BABAM2: variants seen among roughly 807,000 people sequenced by gnomAD.
The protein encoded by BABAM2 is BRISC and BRCA1 A complex member 2, also known as BRISC and BRCA1-A complex member 2.
BABAM2 carries 31 observed loss-of-function variants against 54.7 expected under a neutral mutation model. That is an observed-to-expected ratio of 0.57 (90% CI 0.43 to 0.77). The LOEUF is 0.77. Ranked by LOEUF, BABAM2 falls within the 30% of genes least tolerant of loss-of-function variation. The pLI, the probability that BABAM2 is intolerant of heterozygous loss-of-function variation, is 0.00. For synonymous variants in BABAM2, 167 were observed against 162.9 expected (o/e 1.03, Z -0.19); for missense variants, 364 against 455.8 (o/e 0.80, Z 1.83).
rs1446378076 is a variant in BABAM2 at position 28,061,776 on chromosome 2, T to C, written c.570+15977T>C. Reference sequence around the variant, plus strand: ...AAAACGTGATAAAATTTCAATAACTTTTTTTTTTTAAAAACCTGTGTTCTA... The same window carrying C: ...AAAACGTGATAAAATTTCAATAACTCTTTTTTTTTAAAAACCTGTGTTCTA... On this transcript the variant is annotated intron_variant, in intron 6 of 11. Coordinates refer to ENST00000379624, the MANE Select transcript of BABAM2 (RefSeq NM_199191.3). Among the ~76,000 whole-genome samples, 3 of 148,500 alleles carry C rather than the reference T, an allele frequency of 2.0e-5. No homozygotes were observed. In the East Asian group the frequency reaches 5.8e-4, roughly 29 times the overall value.
At chr2:28,008,727 A>G (rs1335992136) in intron 4 of BABAM2, among the ~76,000 whole-genome samples, 1 of 152,126 alleles carries the variant, frequency 6.6e-6, no homozygotes, top group Non-Finnish European at 1.5e-5. Flanking sequence ...CCCCCAGGGC[A>G]CCAGTGACAT....
chr2:28,246,150 G>A (rs1449475565), intron 10 of BABAM2, among the ~76,000 whole-genome samples: 2 of 152,182 alleles, frequency 1.3e-5, no homozygotes, highest in Admixed American at 1.3e-4. Context: ...AACCTACAGT[G>A]TGGGGCCAGG....
chr2:28,192,425 C>A (rs925030530), intron 7 of BABAM2, among the ~76,000 whole-genome samples: 1 of 142,102 alleles, frequency 7.0e-6, no homozygotes. Context: ...TGCACATGTA[C>A]CCTGGAACTT....
At chr2:27,913,950 T>C (rs1666783137) in intron 2 of BABAM2, among the ~76,000 whole-genome samples, 1 of 152,218 alleles carries the variant, frequency 6.6e-6, no homozygotes, top group East Asian at 1.9e-4. Context: ...ATTCTCTTGT[T>C]ACAAGAAAAT....
At chr2:27,976,576 C>T (rs1466375755) in intron 3 of BABAM2, among the ~76,000 whole-genome samples, 1 of 152,076 alleles carries the variant, frequency 6.6e-6, no homozygotes, top group Non-Finnish European at 1.5e-5. Context: ...TTTAAATACA[C>T]AGGGATAGCA....
intron 11 of BABAM2, among the ~76,000 whole-genome samples, chr2:28,334,267 T>G (rs1324423844): frequency 1.3e-5 from 2 of 152,200 alleles, no homozygotes; most frequent in Non-Finnish European, 2.9e-5. Context: ...CCCCTAGAAG[T>G]TTACAAGGAA....
At chr2:27,891,767 C>G (rs1171925449) in intron 1 of BABAM2, among the ~76,000 whole-genome samples, 2 of 143,454 alleles carry the variant, frequency 1.4e-5, no homozygotes, top group Admixed American at 7.6e-5. Context: ...CTGCGTGAAA[C>G]CTTGCACTGT....
intron 11 of BABAM2, among the ~76,000 whole-genome samples, chr2:28,337,512 G>A (rs1423546538): frequency 6.6e-6 from 1 of 152,204 alleles, no homozygotes; most frequent in Non-Finnish European, 1.5e-5. Flanking sequence ...GAGGTAGAAC[G>A]TGGCCCTGCT....
intron 6 of BABAM2, among the ~76,000 whole-genome samples, chr2:28,094,334 TG>T (rs1666415607): frequency 6.6e-6 from 1 of 152,178 alleles, no homozygotes; most frequent in Non-Finnish European, 1.5e-5. Context: ...ACATCTTTAT[TG>T]GATTTTAATA....
intron 10 of BABAM2, among the ~76,000 whole-genome samples, chr2:28,297,957 A>T (rs1329238058): frequency 6.6e-6 from 1 of 152,210 alleles, no homozygotes; most frequent in East Asian, 1.9e-4. Flanking sequence ...CTTAAAACAG[A>T]TAGAAAGAGA....
At chr2:28,024,192 C>G (rs1291142106) in intron 4 of BABAM2, among the ~76,000 whole-genome samples, 1 of 152,108 alleles carries the variant, frequency 6.6e-6, no homozygotes, top group Non-Finnish European at 1.5e-5. Context: ...ATCATGAGGT[C>G]AGGAGATCGA....
At chr2:28,265,564 G>T (rs553471693) in intron 10 of BABAM2, among the ~76,000 whole-genome samples, 1 of 152,256 alleles carries the variant, frequency 6.6e-6, no homozygotes, top group African/African-American at 2.4e-5. Context: ...CCAGCTTTGG[G>T]GGATGGGAAA....
At chr2:28,207,261 TG>T (rs1290220129) in intron 7 of BABAM2, among the ~76,000 whole-genome samples, 3 of 151,972 alleles carry the variant, frequency 2.0e-5, no homozygotes, top group Non-Finnish European at 4.4e-5. Flanking sequence ...CCCAGCACTT[TG>T]GGAGGCCAAG....
At chr2:28,278,256 A>C (rs958030655) in intron 10 of BABAM2, among the ~76,000 whole-genome samples, 5 of 152,220 alleles carry the variant, frequency 3.3e-5, no homozygotes, top group African/African-American at 1.2e-4. Context: ...ATTATACTGT[A>C]AGTCCAATGG....
intron 1 of BABAM2, among the ~76,000 whole-genome samples, chr2:27,892,794 T>G (rs1664967351): frequency 6.6e-6 from 1 of 152,202 alleles, no homozygotes; most frequent in Non-Finnish European, 1.5e-5. Context: ...AGTCTTACTT[T>G]GAAATGAGAG....
chr2:28,103,388 C>G lies in BABAM2; in HGVS notation c.571-25883C>G, dbSNP rs150473069. On this transcript the variant is annotated intron_variant, in intron 6 of 11. Coordinates refer to ENST00000379624, the MANE Select transcript of BABAM2 (RefSeq NM_199191.3). Reference sequence around the variant, plus strand: ...AGTACAGTGGTGTGATCACATATCACTAGAGCCACAATCTCCTGGGTTCAA... The same window carrying G: ...AGTACAGTGGTGTGATCACATATCAGTAGAGCCACAATCTCCTGGGTTCAA... 3.9e-3 allele frequency among the ~76,000 whole-genome samples: 594 copies of G among 152,198 alleles called. 5 individuals are homozygous for G. Among genetic ancestry groups the G allele is most frequent in the African/African-American group, 0.013 (551 of 41,512 alleles).
intron 6 of BABAM2, among the ~76,000 whole-genome samples, chr2:28,065,926 T>C (rs1235925841): frequency 1.3e-5 from 2 of 148,710 alleles, no homozygotes; most frequent in African/African-American, 2.5e-5. Context: ...GGATCACTTG[T>C]GGTCTGGAGT....
At chr2:28,239,235 ATTATATAAATAGAATTGTTTTACAT>A (rs1682191087) in intron 8 of BABAM2, among the ~76,000 whole-genome samples, 1 of 152,234 alleles carries the variant, frequency 6.6e-6, no homozygotes, top group Non-Finnish European at 1.5e-5. Flanking sequence ...ATAAACCCCT[ATTATATAAATAGAATTGTTTTACAT>A]TTAAAGGGTT....
At chr2:28,013,025 T>TG (rs1442467703) in intron 4 of BABAM2, among the ~76,000 whole-genome samples, 1 of 152,058 alleles carries the variant, frequency 6.6e-6, no homozygotes, top group African/African-American at 2.4e-5. Context: ...CAAGATGGAG[T>TG]GGGGCTGCAT....
Sources: allele counts gnomAD v4.1 joint callset (sites outside exome capture counted in the v4.1 genomes callset), GRCh38; gene constraint gnomAD v4.1.1; transcripts MANE v1.5; gene names NCBI Gene and HGNC (gene_info 2026-07-23, HGNC 2026-07-21).